Variants in CD48 observed in about 807,000 individuals in gnomAD.
CD48 encodes CD48 molecule, also known as CD48 antigen.
A neutral mutation model predicts 22.0 loss-of-function variants in CD48; 20 were observed. The observed-to-expected ratio is 0.91, with a 90% CI of 0.64 to 1.32. The LOEUF (loss-of-function observed/expected upper bound fraction) is 1.32, where lower values mean the gene tolerates loss of function less well. Ranked by LOEUF, CD48 falls within the 40% of genes most tolerant of loss-of-function variation. The pLI is 0.00. For missense variants in CD48, 307 were observed against 286.5 expected (o/e 1.07, Z -0.52); for synonymous variants, 110 against 110.1 (o/e 1.00, Z 0.01).
At chr1:160,702,466 C>A (rs1333084656) in intron 1 of CD48, among the ~76,000 whole-genome samples, 1 of 152,072 alleles carries the variant, frequency 6.6e-6, no homozygotes, top group Non-Finnish European at 1.5e-5. Flanking sequence ...CCATCCCAGG[C>A]CCCGCTCCCT....
At chr1:160,701,823 G>A (rs1284766311) in intron 1 of CD48, among the ~76,000 whole-genome samples, 1 of 152,166 alleles carries the variant, frequency 6.6e-6, no homozygotes, top group Non-Finnish European at 1.5e-5. Flanking sequence ...TTTAAGCCAA[G>A]AGGAAGGCCA....
rs866786550 is a variant in CD48, at chr1:160,679,763, T to A, written c.653-632A>T. On this transcript the variant is annotated intron_variant, in intron 3 of 3. Transcript: ENST00000368046. ...GATGGGTTTACCCTTCCAAAAAAAA[T>A]GGATTTATTATTGCTTTTATCCTCT... Among the ~76,000 whole-genome samples, 3 of 152,272 alleles carry A rather than the reference T, an allele frequency of 2.0e-5. No homozygotes were observed. In the South Asian group the frequency reaches 6.2e-4, roughly 32 times the overall value.
chr1:160,681,518 G>T, intron 2 of CD48, 50 bp from the exon 3 acceptor site: 2 of 1,591,672 alleles, frequency 1.3e-6, no homozygotes, highest in Non-Finnish European at 1.7e-6. Flanking sequence ...CATTCATGCT[G>T]TGAAGGTTTA....
intron 1 of CD48, among the ~76,000 whole-genome samples, chr1:160,692,457 C>T (rs186186085): frequency 2.6e-5 from 4 of 152,182 alleles, no homozygotes; most frequent in Non-Finnish European, 4.4e-5. Flanking sequence ...GTCAGGTGAC[C>T]GTAACATTAC....
At chr1:160,700,246 A>T (rs1662584374) in intron 1 of CD48, among the ~76,000 whole-genome samples, 1 of 152,180 alleles carries the variant, frequency 6.6e-6, no homozygotes. Flanking sequence ...AAAATCAAAT[A>T]ATTTGTTTTT....
chr1:160,695,001 C>T (rs1282651398), intron 1 of CD48, among the ~76,000 whole-genome samples: 7 of 152,270 alleles, frequency 4.6e-5, no homozygotes, highest in East Asian at 1.9e-4. Context: ...CTGTAAATGC[C>T]GTAATTCAAC....
Position 160,680,605 on chromosome 1 carries a change from CAT to C in CD48, c.652+595_652+596del. ...CTGATCTAGAGCCAGGTGTGACACT[CAT>C]GAGTGGATCCTCCCAGGAGACAGGG... On this transcript the variant is annotated intron_variant, in intron 3 of 3. Transcript: ENST00000368046. The C allele has an allele frequency of 1.0e-5, 10 of 1,003,846 alleles. No individual in the cohort carries two copies. The Admixed American group carries it at 1.5e-4, about 15-fold the overall frequency. 62.2% of individuals were successfully genotyped at this position (1,003,846 alleles called of 1,614,324 possible).
chr1:160,706,061 C>T (rs1662783440), intron 1 of CD48, among the ~76,000 whole-genome samples: 1 of 151,998 alleles, frequency 6.6e-6, no homozygotes, highest in Non-Finnish European at 1.5e-5. Context: ...GTAGTAACAC[C>T]AGACAGATCA....
At chr1:160,711,558 A>G in intron 1 of CD48, 124 bp downstream of exon 1, 1 of 708,226 alleles carries the variant, frequency 1.4e-6, no homozygotes, top group East Asian at 2.7e-5. Flanking sequence ...TGCTATTGGA[A>G]TGGAAATACC....
Position 160,681,273 on chromosome 1 carries a change from T to C in CD48, c.581A>G (p.Tyr194Cys). ...CACAGAATTGCTGACTTGGCAAGTA[T>C]AACACCTGGAGTAATTATGTGGCAT... Reference protein sequence around the residue: ...TLMPHNYSRCYTCQVSNSVSS... With the variant: ...TLMPHNYSRCCTCQVSNSVSS... Residue 194 changes from tyrosine to cysteine, a missense_variant, in exon 3 of 4, where the codon TAT (tyrosine) becomes TGT (cysteine). Tyr to Cys is a radical substitution (Grantham distance 194, BLOSUM62 -2). Transcript: ENST00000368046. 6.2e-6 allele frequency: 10 copies of C among 1,614,218 alleles called. No individual in the cohort carries two copies. The highest frequency in any genetic ancestry group is 8.5e-6 in the Non-Finnish European group (10 of 1,180,032).
chr1:160,681,779 C>A (rs1322531144), intron 2 of CD48, among the ~76,000 whole-genome samples: 2 of 152,192 alleles, frequency 1.3e-5, no homozygotes, highest in Admixed American at 1.3e-4. Context: ...AGCCCAGAGA[C>A]TTGCTGGGGT....
intron 1 of CD48, among the ~76,000 whole-genome samples, chr1:160,698,576 G>T (rs1467970168): frequency 6.6e-6 from 1 of 152,000 alleles, no homozygotes; most frequent in Non-Finnish European, 1.5e-5. Context: ...TCAAATTAAT[G>T]ATCTTAGACA....
At position 160,705,946 on chromosome 1, in the gene CD48, C is replaced by A. The variant is rs183769457; in HGVS notation, c.82+5736G>T. On this transcript the variant is annotated intron_variant, in intron 1 of 3. Coordinates refer to ENST00000368046, the MANE Select transcript of CD48 (RefSeq NM_001778.4). ...GGGACAAAATTCTCCCACATTCACC[C>A]TGGTTGAGAAGTACTGAGCTAGGTC... 1.4e-3 allele frequency among the ~76,000 whole-genome samples: 211 copies of A among 152,274 alleles called. 2 individuals are homozygous for A. Among genetic ancestry groups the A allele is most frequent in the Admixed American group, 0.012 (177 of 15,286 alleles).
At chr1:160,685,219 G>T in intron 1 of CD48, 30 bp from the exon 2 acceptor site, 2 of 1,550,162 alleles carry the variant, frequency 1.3e-6, no homozygotes, top group Non-Finnish European at 1.8e-6. Flanking sequence ...TGAGACCTGC[G>T]CTAGAGGAGG....
intron 1 of CD48, among the ~76,000 whole-genome samples, chr1:160,709,187 TAA>T (rs10555133): frequency 0.44 from 66,336 of 151,748 alleles, 14,770 homozygotes; most frequent in South Asian, 0.53. Flanking sequence ...GATGATGACT[TAA>T]GTTTTAGACA....
chr1:160,694,123 T>G (rs1180319789), intron 1 of CD48, among the ~76,000 whole-genome samples: 1 of 152,250 alleles, frequency 6.6e-6, no homozygotes, highest in African/African-American at 2.4e-5. Context: ...ATTCAGACTA[T>G]AAAGGTGAAA....
rs766048723 is a variant in CD48, at chr1:160,681,387, A to G, written c.467T>C (p.Ile156Thr). 7 of 1,614,204 alleles carry G rather than the reference A, an allele frequency of 4.3e-6. No individual in the cohort carries two copies. Among genetic ancestry groups the G allele is most frequent in the Non-Finnish European group, 5.9e-6 (7 of 1,180,024 alleles). The change falls in exon 3 of 4, where the codon ATA becomes ACA. Residue 156 changes from isoleucine (I) to threonine (T), a missense_variant. Physicochemically the swap from Ile to Thr is moderately conservative, Grantham distance 89. Coordinates refer to ENST00000368046, the MANE Select transcript of CD48 (RefSeq NM_001778.4). The stretch of plus-strand genomic sequence containing the variant: ...GGTGTAGTTTACAGACTCGCCAGGT[A>G]TCACACATGACAGTTTCAGATAACA... ...DNCYLKLSCV[I>T]PGESVNYTWY...
At chr1:160,708,259 T>C (rs1265782798) in intron 1 of CD48, among the ~76,000 whole-genome samples, 4 of 152,142 alleles carry the variant, frequency 2.6e-5, no homozygotes, top group Non-Finnish European at 5.9e-5. Context: ...GGACATAGAC[T>C]AAGGAGGGTA....
At chr1:160,679,747 A>G (rs1661728908) in intron 3 of CD48, among the ~76,000 whole-genome samples, 1 of 152,082 alleles carries the variant, frequency 6.6e-6, no homozygotes, top group African/African-American at 2.4e-5. Context: ...AGATGGGTTT[A>G]CCCTTCCAAA....
Sources: gnomAD v4.1 joint callset for allele counts (sites outside exome capture counted in the v4.1 genomes callset) on GRCh38, gnomAD v4.1.1 for gene constraint, MANE v1.5 for transcripts, NCBI Gene and HGNC (gene_info 2026-07-23, HGNC 2026-07-21) for gene names.